The following ABCA13 variants were observed in gnomAD, a reference collection of about 807,000 sequenced individuals.
ABCA13 encodes ATP-binding cassette sub-family A member 13.
ABCA13 carries 476 observed loss-of-function variants against 478.7 expected under a neutral mutation model. The observed-to-expected ratio is 0.99, with a 90% confidence interval of 0.92 to 1.07. The LOEUF (loss-of-function observed/expected upper bound fraction) is 1.07, where lower values mean the gene tolerates loss of function less well. Among genes scored for constraint, ABCA13 ranks in the 50% least tolerant of loss-of-function variants. The pLI is 0.00. For synonymous variants in ABCA13, 2,252 were observed against 2,158.9 expected, an observed-to-expected ratio of 1.04 and a Z score of -1.20; for missense variants, 6,060 against 5,910.6, an observed-to-expected ratio of 1.03 and a Z score of -0.83.
At chr7:48,421,995 C>T (rs1820802424) in intron 41 of ABCA13, among the ~76,000 whole-genome samples, 1 of 143,256 alleles carries the variant, frequency 7.0e-6, no homozygotes, top group Non-Finnish European at 1.5e-5. Context: ...TTGTGTGAAC[C>T]TGCCCCACTT....
chr7:48,183,634 G>A lies in ABCA13; in HGVS notation c.70-9325G>A, dbSNP rs145142447. 1.1e-3 allele frequency among the ~76,000 whole-genome samples: 175 copies of A among 152,298 alleles called. 1 individual carries two copies. The highest frequency in any genetic ancestry group is 1.8e-3 in the Non-Finnish European group (123 of 68,024). On this transcript the variant is annotated intron_variant, in intron 1 of 61. Transcript: ENST00000435803. ...GGCTCTGCTTCATTTAGTTTCACAAGGACATTCATTCCATCCTCTTGGACA... is the reference window on the plus strand; with the variant it reads ...GGCTCTGCTTCATTTAGTTTCACAAAGACATTCATTCCATCCTCTTGGACA...
At chr7:48,172,689 G>T (rs954400512) in intron 1 of ABCA13, among the ~76,000 whole-genome samples, 8 of 150,252 alleles carry the variant, frequency 5.3e-5, no homozygotes, top group Non-Finnish European at 1.0e-4. Flanking sequence ...TCCCAGCTAC[G>T]CGGGAGGCTG....
chr7:48,245,559 G>T lies in ABCA13; in HGVS notation c.1438G>T (p.Glu480Ter). ...ETSANDFKWF[E>*]LNQLKLEKDV... ...ATCAGCTAATGATTTTAAATGGTTT[G>T]AACTTAACCAATTGAAACTGGAAAA... Residue 480 changes from glutamate to a stop codon, truncating the protein, a stop_gained, in exon 12 of 62, where the codon GAA (glutamate) becomes TAA (stop). Coordinates refer to ENST00000435803, the MANE Select transcript of ABCA13 (RefSeq NM_152701.5). LOFTEE classifies it high-confidence loss of function. 6.2e-7 allele frequency: 1 copy of T among 1,613,250 alleles called. No homozygotes were observed. Among genetic ancestry groups the T allele is most frequent in the South Asian group, 1.1e-5 (1 of 90,750 alleles).
chr7:48,367,282 G>A (rs368241874), intron 31 of ABCA13, among the ~76,000 whole-genome samples: 1 of 152,166 alleles, frequency 6.6e-6, no homozygotes, highest in East Asian at 1.9e-4. Context: ...GACTGTCATT[G>A]ATGCCCTAGA....
At chr7:48,196,470 T>C (rs569435982) in intron 2 of ABCA13, among the ~76,000 whole-genome samples, 95 of 152,238 alleles carry the variant, frequency 6.2e-4, no homozygotes, top group African/African-American at 2.2e-3. Context: ...GTGCAACCTT[T>C]GTGAGCCTCT....
chr7:48,281,427 C>T lies in ABCA13; in HGVS notation c.8811C>T (p.Val2937=), dbSNP rs779180776. 1.0e-5 allele frequency: 16 copies of T among 1,603,414 alleles called. No individual in the cohort carries two copies. The highest frequency in any genetic ancestry group is 2.3e-5 in the South Asian group (2 of 88,632). ...MEMLQKVKMM[V]VRVLTIVAEN... ...TGCTGCAGAAAGTGAAGATGATGGT[C>T]GTACGTGTGCTCACCATCGTTGCAG... The change falls in exon 19 of 62, where the codon GTC becomes GTT. Residue 2937 remains valine (V), a synonymous_variant. Transcript: ENST00000435803.
Position 48,528,329 on chromosome 7 carries a change from A to C in ABCA13, c.14338A>C (p.Ile4780Leu), listed in dbSNP as rs1263591760. 3.2e-6 allele frequency: 5 copies of C among 1,563,998 alleles called. No individual in the cohort carries two copies. In the Admixed American group the frequency reaches 9.5e-5, roughly 30 times the overall value. Residue 4780 changes from isoleucine to leucine, a missense_variant, in exon 55 of 62, where the codon ATC becomes CTC. Ile to Leu is a conservative substitution (Grantham distance 5). Around this residue, in one of 3 missense-constraint regions of ABCA13, gnomAD observed 1,627 missense variants for 1,571.0 expected, o/e 1.04. Coordinates refer to ENST00000435803, the MANE Select transcript of ABCA13 (RefSeq NM_152701.5). ...EVSLTSGHAI[I>L]RTPMGDAVDL... Reference sequence around the variant, plus strand: ...TTCTCTAACTTCAGGACATGCTATCATCAGGACTCCCATGGGGTAAGATAC... The same window carrying C: ...TTCTCTAACTTCAGGACATGCTATCCTCAGGACTCCCATGGGGTAAGATAC...
intron 44 of ABCA13, among the ~76,000 whole-genome samples, chr7:48,469,486 TG>T (rs1328153852): frequency 6.6e-6 from 1 of 152,220 alleles, no homozygotes; most frequent in Non-Finnish European, 1.5e-5. Context: ...AACCTCTCTC[TG>T]CTTTTCTTCA....
intron 16 of ABCA13, 78 bp downstream of exon 16, chr7:48,269,172 G>A: frequency 2.6e-6 from 2 of 765,096 alleles, no homozygotes; most frequent in Non-Finnish European, 4.3e-6. Flanking sequence ...TATAGGATAT[G>A]CACTCTTTAA....
intron 15 of ABCA13, among the ~76,000 whole-genome samples, chr7:48,257,708 TG>T (rs1241784475): frequency 6.6e-6 from 1 of 152,178 alleles, no homozygotes; most frequent in Non-Finnish European, 1.5e-5. Flanking sequence ...TTTGATAGTA[TG>T]TTGTTGAGGA....
Position 48,279,760 on chromosome 7 carries a change from A to C in ABCA13, c.8566A>C (p.Thr2856Pro). 1 of 1,611,886 alleles carries C rather than the reference A, an allele frequency of 6.2e-7. No individual in the cohort carries two copies. Among genetic ancestry groups the C allele is most frequent in the Non-Finnish European group, 8.5e-7 (1 of 1,179,382 alleles). Residue 2856 changes from threonine (T) to proline (P), a missense_variant, in exon 18 of 62, where the codon ACC becomes CCC. Coordinates refer to ENST00000435803, the MANE Select transcript of ABCA13 (RefSeq NM_152701.5). ...QPLFEIFIKA[T>P]TGKNVTSEKE... Reference sequence around the variant, plus strand: ...ACTTTTTGAGATTTTCATTAAAGCAACCACCGGAAAGAATGTCACATCAGA... The same window carrying C: ...ACTTTTTGAGATTTTCATTAAAGCACCCACCGGAAAGAATGTCACATCAGA...
chr7:48,279,979 A>T (rs967536827), intron 18 of ABCA13, 59 bp downstream of exon 18: 38 of 1,440,034 alleles, frequency 2.6e-5, no homozygotes, highest in Non-Finnish European at 3.5e-5. Flanking sequence ...TATAAAATAG[A>T]ACCATGCAGG....
chr7:48,550,267 T>G (rs1785190097), intron 55 of ABCA13, among the ~76,000 whole-genome samples: 1 of 151,258 alleles, frequency 6.6e-6, no homozygotes, highest in African/African-American at 2.4e-5. Context: ...CTATTTTTCT[T>G]TTTTTTGGAA....
intron 4 of ABCA13, among the ~76,000 whole-genome samples, chr7:48,219,931 CACAT>C (rs1787121317): frequency 6.9e-6 from 1 of 144,162 alleles, no homozygotes; most frequent in African/African-American, 2.5e-5. Context: ...CACACACACA[CACAT>C]TCCCAATTCA....
intron 42 of ABCA13, among the ~76,000 whole-genome samples, chr7:48,431,776 C>G (rs1822182554): frequency 6.6e-6 from 1 of 152,112 alleles, no homozygotes; most frequent in African/African-American, 2.4e-5. Context: ...TCTTCCTGGT[C>G]TTTTTAGACA....
chr7:48,278,750 T>C lies in ABCA13; in HGVS notation c.7556T>C (p.Met2519Thr), dbSNP rs1796625998. ...SADLRDLATS[M>T]DSIVKLLKLV... is the part of the protein sequence containing the mutation. The stretch of plus-strand genomic sequence containing the variant: ...GACCTGAGAGATCTTGCCACATCAA[T>C]GGACTCCATTGTGAAACTTCTTAAG... Residue 2519 changes from methionine to threonine, a missense_variant, in exon 18 of 62, where the codon ATG becomes ACG. Transcript: ENST00000435803. 1.2e-6 allele frequency: 2 copies of C among 1,613,832 alleles called. No homozygotes were observed. The highest frequency in any genetic ancestry group is 3.3e-5 in the Admixed American group (2 of 59,992).
intron 19 of ABCA13, 88 bp downstream of exon 19, chr7:48,281,540 G>A: frequency 8.4e-7 from 1 of 1,185,836 alleles, no homozygotes; most frequent in Non-Finnish European, 1.2e-6. Flanking sequence ...TATTGCACTT[G>A]AGTTTCTTTT....
chr7:48,371,548 C>G (rs1812637233), intron 32 of ABCA13, among the ~76,000 whole-genome samples: 1 of 152,092 alleles, frequency 6.6e-6, no homozygotes, highest in African/African-American at 2.4e-5. Context: ...CTCTTTGTGG[C>G]AATTGTGAAT....
intron 59 of ABCA13, among the ~76,000 whole-genome samples, chr7:48,639,515 C>T (rs1418368022): frequency 6.6e-6 from 1 of 152,144 alleles, no homozygotes; most frequent in African/African-American, 2.4e-5. Flanking sequence ...TAACGTGAGA[C>T]CACGGGAGGC....
Sources: gnomAD v4.1 joint callset for allele counts (sites outside exome capture counted in the v4.1 genomes callset) on GRCh38, gnomAD v4.1.1 for gene constraint, gnomAD v4.1.1 regional missense constraint, MANE v1.5 for transcripts, NCBI Gene and HGNC (gene_info 2026-07-23, HGNC 2026-07-21) for gene names.